The following KMT2A variants were observed in gnomAD, a reference collection of about 807,000 sequenced individuals.
The protein encoded by KMT2A is histone-lysine N-methyltransferase 2A.
KMT2A carries 16 observed loss-of-function variants against 345.3 expected under a neutral mutation model. The ratio of observed to expected loss-of-function variants is 0.05; its 90% CI spans 0.03 to 0.07. The LOEUF (loss-of-function observed/expected upper bound fraction) is 0.07. Among genes scored for constraint, KMT2A ranks in the 10% least tolerant of loss-of-function variants. The pLI is 1.00. For missense variants in KMT2A, 3,272 were observed against 4,841.6 expected, an observed-to-expected ratio of 0.68 and a Z score of 9.62; for synonymous variants, 1,599 against 1,778.6, an observed-to-expected ratio of 0.90 and a Z score of 2.54.
chr11:118,464,990 C>T (rs1391679278), intron 1 of KMT2A, among the ~76,000 whole-genome samples: 1 of 152,200 alleles, frequency 6.6e-6, no homozygotes, highest in Non-Finnish European at 1.5e-5. Flanking sequence ...ATGGCAATGT[C>T]CCTGCTCATT....
At chr11:118,489,282 T>G (rs926312683) in intron 11 of KMT2A, among the ~76,000 whole-genome samples, 4 of 151,214 alleles carry the variant, frequency 2.6e-5, no homozygotes, top group Admixed American at 2.6e-4. Flanking sequence ...TTTTGTTATA[T>G]GCAAATGCTG....
intron 3 of KMT2A, among the ~76,000 whole-genome samples, chr11:118,475,064 T>C (rs1430051812): frequency 2.0e-5 from 3 of 151,514 alleles, no homozygotes; most frequent in Non-Finnish European, 4.4e-5. Context: ...ACCCCGGAGG[T>C]AGAGATGGCA....
chr11:118,451,255 A>G (rs1414051728), intron 1 of KMT2A, among the ~76,000 whole-genome samples: 2 of 139,406 alleles, frequency 1.4e-5, no homozygotes, highest in Non-Finnish European at 3.0e-5. Flanking sequence ...TCTTCCACCC[A>G]GGCTGGGATG....
chr11:118,446,914 C>T (rs567749358), intron 1 of KMT2A, among the ~76,000 whole-genome samples: 20 of 152,314 alleles, frequency 1.3e-4, no homozygotes, highest in East Asian at 3.9e-4. Context: ...GAATGTACAT[C>T]GTTACTGCTT....
At position 118,494,606 on chromosome 11, in the gene KMT2A, T is replaced by C; in HGVS notation, c.5290-88T>C. On this transcript the variant is annotated intron_variant, in intron 17 of 35. Coordinates refer to ENST00000534358, the MANE Select transcript of KMT2A (RefSeq NM_001197104.2). This position sits in a 1 kb window ranked among gnomAD's most constrained non-coding sequence, Gnocchi z 5.8. Reference sequence around the variant, plus strand: ...TCTTGGTGGCCTGAAATTATCCTCGTATTAACAGAGAAGCTGGTTTGAAGA... The same window carrying C: ...TCTTGGTGGCCTGAAATTATCCTCGCATTAACAGAGAAGCTGGTTTGAAGA... The C allele has an allele frequency of 8.5e-7, 1 of 1,177,230 alleles. No homozygotes were observed. Among genetic ancestry groups the C allele is most frequent in the Non-Finnish European group, 1.2e-6 (1 of 807,578 alleles). 72.9% of individuals were successfully genotyped at this position (1,177,230 alleles called of 1,614,324 possible). A position where few individuals can be genotyped will look rare whatever the true frequency, so the allele number is the denominator to read the frequency against.
Position 118,498,042 on chromosome 11 carries a change from T to C in KMT2A, c.5771T>C (p.Val1924Ala). The C allele has an allele frequency of 6.2e-7, 1 of 1,614,132 alleles. No homozygotes were observed. Among genetic ancestry groups the C allele is most frequent in the Non-Finnish European group, 8.5e-7 (1 of 1,179,992 alleles). ...GATGATGACGGATCACTAAAGAATGTGCATATGGCTGTGATCAGGGGCAAG... is the reference window on the plus strand; with the variant it reads ...GATGATGACGGATCACTAAAGAATGCGCATATGGCTGTGATCAGGGGCAAG... ...FEDDDGSLKN[V>A]HMAVIRGKQL... The change falls in exon 21 of 36, where the codon GTG (valine) becomes GCG (alanine). Residue 1924 changes from valine (V) to alanine (A), a missense_variant. Physicochemically the swap from Val to Ala is moderately conservative, Grantham distance 64. Around this residue, in one of 27 missense-constraint regions of KMT2A, gnomAD observed 235 missense variants for 503.4 expected, o/e 0.47. Coordinates refer to ENST00000534358, the MANE Select transcript of KMT2A (RefSeq NM_001197104.2). The surrounding 1 kb of genome is among the most constrained non-coding windows in gnomAD (Gnocchi z 4.4).
chr11:118,489,724 T>C lies in KMT2A; in HGVS notation c.4480-68T>C, dbSNP rs1326285093. 3 of 1,266,222 alleles carry C rather than the reference T, an allele frequency of 2.4e-6. No individual in the cohort carries two copies. In the East Asian group the frequency reaches 6.9e-5, roughly 29 times the overall value. The allele number at this position is 1,266,222 out of a possible 1,614,324, so 78.4% of individuals were successfully genotyped here. On this transcript the variant is annotated intron_variant, in intron 11 of 35. Coordinates refer to ENST00000534358, the MANE Select transcript of KMT2A (RefSeq NM_001197104.2). ...ACTTGCCAGTAAATGTGAAATGGGG[T>C]ACTAAGTAATAGGTGTTGGGTGAAG...
At chr11:118,516,508 CAG>C (rs1415754045) in intron 31 of KMT2A, among the ~76,000 whole-genome samples, 2 of 152,236 alleles carry the variant, frequency 1.3e-5, no homozygotes, top group Non-Finnish European at 2.9e-5. Flanking sequence ...AGTCCTGACA[CAG>C]AGGAAACAGC....
intron 1 of KMT2A, among the ~76,000 whole-genome samples, chr11:118,467,346 C>T (rs1456584871): frequency 1.3e-5 from 2 of 149,840 alleles, no homozygotes; most frequent in Non-Finnish European, 3.0e-5. Context: ...CACTGCACTC[C>T]AGCCTGGGTG....
chr11:118,448,068 A>G (rs1468592472), intron 1 of KMT2A: 1 of 152,926 alleles, frequency 6.5e-6, no homozygotes, highest in African/African-American at 2.4e-5. Flanking sequence ...AGCAATAATT[A>G]CTTTCCAGTA....
intron 5 of KMT2A, 122 bp downstream of exon 5, chr11:118,478,323 T>C (rs1950073724): frequency 2.8e-6 from 2 of 721,388 alleles, no homozygotes; most frequent in Non-Finnish European, 4.6e-6. Flanking sequence ...TTGCAAGACT[T>C]GTTACAGTTA....
chr11:118,481,972 G>T lies in KMT2A; in HGVS notation c.3892G>T (p.Val1298Phe), dbSNP rs782712716. 1.9e-6 allele frequency: 3 copies of T among 1,614,176 alleles called. No individual in the cohort carries two copies. The highest frequency in any genetic ancestry group is 4.5e-5 in the East Asian group (2 of 44,886). ...AGCTTCCAGGAAGTCAAGCAAGCAG[G>T]TCTCCCAGCCAGCACTGGTCATCCC... ...TPASRKSSKQ[V>F]SQPALVIPPQ... Residue 1298 changes from valine (V) to phenylalanine (F), a missense_variant, in exon 7 of 36, where the codon GTC becomes TTC. Physicochemically the swap from Val to Phe is conservative, Grantham distance 50. Around this residue, in one of 27 missense-constraint regions of KMT2A, gnomAD observed 168 missense variants for 216.0 expected, o/e 0.78. Coordinates refer to ENST00000534358, the MANE Select transcript of KMT2A (RefSeq NM_001197104.2).
intron 1 of KMT2A, among the ~76,000 whole-genome samples, chr11:118,437,411 C>T (rs1287472984): frequency 6.6e-6 from 1 of 152,102 alleles, no homozygotes; most frequent in Non-Finnish European, 1.5e-5. Context: ...TCCAGGGCCA[C>T]GTTCTCCTGG....
chr11:118,471,629 A>G lies in KMT2A; in HGVS notation c.503-33A>G, dbSNP rs1555035488. 2.8e-6 allele frequency: 4 copies of G among 1,439,360 alleles called. No individual in the cohort carries two copies. In the South Asian group the frequency reaches 4.1e-5, roughly 15 times the overall value. 89.2% of individuals were successfully genotyped at this position (1,439,360 alleles called of 1,614,324 possible). ...TAAAACCTAAACTACACAGCTAAAT[A>G]TATGCTCTTCATTGTTTAATTTCTA... On this transcript the variant is annotated intron_variant, in intron 2 of 35. Transcript: ENST00000534358.
chr11:118,507,871 G>C (rs751944265), intron 28 of KMT2A: 117 of 363,952 alleles, frequency 3.2e-4, no homozygotes, highest in Middle Eastern at 1.7e-3. Flanking sequence ...GCTGAGGCAG[G>C]AGAAGGGCGT....
intron 1 of KMT2A, among the ~76,000 whole-genome samples, chr11:118,437,856 G>A (rs1949228216): frequency 6.6e-6 from 1 of 152,152 alleles, no homozygotes; most frequent in Admixed American, 6.5e-5. Flanking sequence ...TCCCCTTGGA[G>A]AGGAGGCAGG....
rs782439084 is a variant in KMT2A, at chr11:118,474,088, G to A, written c.2929G>A (p.Gly977Ser). Residue 977 changes from glycine to serine, a missense_variant, in exon 3 of 36, where the codon GGC becomes AGC. Physicochemically the swap from Gly to Ser is moderately conservative, Grantham distance 56. Around this residue, in one of 27 missense-constraint regions of KMT2A, gnomAD observed 39 missense variants for 88.9 expected, o/e 0.44. Transcript: ENST00000534358. ...TCTGGAAAAAACCAACTTGGACCTC[G>A]GCCCAACTGCCCCATCCCTGGAGAA... ...GNLEKTNLDL[G>S]PTAPSLEKEK... is the part of the protein sequence containing the mutation. The A allele has an allele frequency of 9.3e-6, 15 of 1,613,898 alleles. No individual in the cohort carries two copies. Among genetic ancestry groups the A allele is most frequent in the Admixed American group, 3.3e-5 (2 of 59,982 alleles).
intron 1 of KMT2A, among the ~76,000 whole-genome samples, chr11:118,467,992 TA>T (rs782739856): frequency 3.9e-5 from 6 of 152,132 alleles, no homozygotes; most frequent in Non-Finnish European, 8.8e-5. Flanking sequence ...TTGTGCAAAA[TA>T]GGTTAAACAA....
Position 118,522,536 on chromosome 11 carries a change from C to T in KMT2A, c.*364C>T, listed in dbSNP as rs1950993251. On this transcript the variant is annotated 3_prime_UTR_variant, in exon 36 of 36. Coordinates refer to ENST00000534358, the MANE Select transcript of KMT2A (RefSeq NM_001197104.2). The surrounding 1 kb of genome is among the most constrained non-coding windows in gnomAD (Gnocchi z 5.4). ...CTCCACAGAAATAAGTTGCCATCCT[C>T]AGGTTGGCCCTTTCCCAAGCACTGT... The T allele has an allele frequency of 7.1e-6, 2 of 283,496 alleles. No individual in the cohort carries two copies. The highest frequency in any genetic ancestry group is 4.6e-5 in the Admixed American group (1 of 21,600). The allele number at this position is 283,496 out of a possible 1,614,324, so 17.6% of individuals were successfully genotyped here.
Sources: gnomAD v4.1 joint callset for allele counts (sites outside exome capture counted in the v4.1 genomes callset) on GRCh38, gnomAD v4.1.1 for gene constraint, gnomAD v4.1.1 regional missense constraint, Gnocchi (gnomAD v3.1) non-coding constraint, MANE v1.5 for transcripts, NCBI Gene and HGNC (gene_info 2026-07-23, HGNC 2026-07-21) for gene names.